Variants in DPY19L4 observed in about 807,000 individuals in gnomAD.
DPY19L4 encodes probable C-mannosyltransferase DPY19L4.
A neutral mutation model predicts 102.8 loss-of-function variants in DPY19L4; 97 were observed. The observed-to-expected ratio is 0.94, with a 90% confidence interval of 0.80 to 1.12. The LOEUF is 1.12. Ranked by LOEUF, DPY19L4 falls within the 50% of genes most tolerant of loss-of-function variation. The pLI is 0.00. For missense variants in DPY19L4, 815 were observed against 850.4 expected (o/e 0.96, Z 0.52); for synonymous variants, 252 against 283.1 (o/e 0.89, Z 1.10).
intron 2 of DPY19L4, among the ~76,000 whole-genome samples, chr8:94,733,371 C>T (rs13276436): frequency 0.44 from 66,336 of 151,664 alleles, 15,027 homozygotes; most frequent in Non-Finnish European, 0.49. Flanking sequence ...GTGATCCTCC[C>T]GCCTTGGCCT....
chr8:94,720,358 C>A, intron 1 of DPY19L4: 1 of 741,406 alleles, frequency 1.3e-6, no homozygotes, highest in Non-Finnish European at 1.6e-6. Flanking sequence ...TTTCGAAGAT[C>A]AGGTTTAGGT....
At chr8:94,753,746 C>T (rs912187025) in intron 6 of DPY19L4, among the ~76,000 whole-genome samples, 28 of 152,082 alleles carry the variant, frequency 1.8e-4, no homozygotes, top group Non-Finnish European at 1.2e-4. Context: ...GTGGCAGGCA[C>T]CTGTAGTCCC....
intron 1 of DPY19L4, among the ~76,000 whole-genome samples, chr8:94,723,365 C>T (rs986941505): frequency 3.3e-5 from 5 of 151,712 alleles, no homozygotes; most frequent in East Asian, 1.9e-4. Flanking sequence ...CCCAGCTACT[C>T]GGGAGGCTGA....
intron 6 of DPY19L4, chr8:94,744,448 A>G (rs1017097668): frequency 4.4e-6 from 2 of 456,780 alleles, no homozygotes; most frequent in African/African-American, 2.0e-5. Flanking sequence ...ACCTCATCTT[A>G]GAAATGATAT....
At chr8:94,758,591 G>T (rs955493046) in intron 7 of DPY19L4, among the ~76,000 whole-genome samples, 2 of 152,126 alleles carry the variant, frequency 1.3e-5, no homozygotes, top group South Asian at 2.1e-4. Flanking sequence ...ACCTTGAAAG[G>T]TTATATAAAT....
At chr8:94,779,719 G>C (rs1424244813) in intron 14 of DPY19L4, among the ~76,000 whole-genome samples, 3 of 152,134 alleles carry the variant, frequency 2.0e-5, no homozygotes, top group African/African-American at 4.8e-5. Context: ...AAGCCTCACT[G>C]CTTATTAAGT....
intron 12 of DPY19L4, 106 bp from the exon 13 acceptor site, chr8:94,770,346 G>A (rs1232516184): frequency 1.1e-5 from 14 of 1,227,800 alleles, no homozygotes; most frequent in South Asian, 3.4e-5. Context: ...TTGTTATGAC[G>A]AAATATAAAA....
rs114731199 is a variant in DPY19L4 at position 94,727,102 on chromosome 8, C to T, written c.127+661C>T. On this transcript the variant is annotated intron_variant, in intron 2 of 18. Coordinates refer to ENST00000414645, the MANE Select transcript of DPY19L4 (RefSeq NM_181787.3). ...CTATGACTCATTCTAATCCAGAGATCTATGAACTAAAAAGACAGGTTATCT... is the reference window on the plus strand; with the variant it reads ...CTATGACTCATTCTAATCCAGAGATTTATGAACTAAAAAGACAGGTTATCT... Among the ~76,000 whole-genome samples the T allele has an allele frequency of 7.5e-3, 1,147 of 152,274 alleles. 16 individuals carry two copies. Among genetic ancestry groups the T allele is most frequent in the African/African-American group, 0.026 (1,064 of 41,536 alleles).
intron 2 of DPY19L4, among the ~76,000 whole-genome samples, chr8:94,727,200 T>TCA (rs1160877783): frequency 2.6e-5 from 4 of 152,222 alleles, no homozygotes; most frequent in Admixed American, 1.3e-4. Context: ...AGTTTCAGAA[T>TCA]GAAGTTGTAT....
intron 6 of DPY19L4, among the ~76,000 whole-genome samples, chr8:94,748,961 G>T (rs1213895174): frequency 6.6e-6 from 1 of 152,172 alleles, no homozygotes. Context: ...AGGTTTAATG[G>T]ACTCAGTTCC....
chr8:94,766,792 C>T (rs1812692597), intron 11 of DPY19L4, 107 bp downstream of exon 11: 2 of 999,222 alleles, frequency 2.0e-6, no homozygotes, highest in African/African-American at 1.6e-5. Context: ...AATCCCAGCA[C>T]TTTAGGAGGC....
chr8:94,740,870 T>C (rs1811416291), intron 6 of DPY19L4, among the ~76,000 whole-genome samples: 1 of 152,214 alleles, frequency 6.6e-6, no homozygotes, highest in Non-Finnish European at 1.5e-5. Context: ...TGGTTGACCC[T>C]AAAATACTCT....
At position 94,726,442 on chromosome 8, in the gene DPY19L4, G is replaced by C. The variant is rs139917646; in HGVS notation, c.127+1G>C. The C allele has an allele frequency of 1.9e-6, 3 of 1,600,942 alleles. No individual in the cohort carries two copies. Among genetic ancestry groups the C allele is most frequent in the Non-Finnish European group, 2.6e-6 (3 of 1,175,646 alleles). On this transcript the variant is annotated splice_donor_variant, in intron 2 of 18. Coordinates refer to ENST00000414645, the MANE Select transcript of DPY19L4 (RefSeq NM_181787.3). LOFTEE classifies it high-confidence loss of function. Reference sequence around the variant, plus strand: ...CCAATTCCTGAAAGAGCTCCAAAACGTAAGTTAGATAGACTTGGAATTTGT... The same window carrying C: ...CCAATTCCTGAAAGAGCTCCAAAACCTAAGTTAGATAGACTTGGAATTTGT...
intron 6 of DPY19L4, among the ~76,000 whole-genome samples, chr8:94,754,132 C>T (rs1171993783): frequency 6.6e-6 from 1 of 151,950 alleles, no homozygotes; most frequent in African/African-American, 2.4e-5. Flanking sequence ...TGCAGTGAGC[C>T]GTGATCGTGT....
At chr8:94,721,650 TAAA>T (rs990086200) in intron 1 of DPY19L4, among the ~76,000 whole-genome samples, 2 of 152,198 alleles carry the variant, frequency 1.3e-5, no homozygotes, top group African/African-American at 4.8e-5. Context: ...CTTAAAGCAT[TAAA>T]AAAGTTAAGA....
rs753085758 is a variant in DPY19L4, at chr8:94,739,679, T to C, written c.500T>C (p.Ile167Thr). Residue 167 changes from isoleucine to threonine, a missense_variant, in exon 6 of 19, where the codon ATT (isoleucine) becomes ACT (threonine). Ile to Thr is a moderately conservative substitution (Grantham distance 89). Coordinates refer to ENST00000414645, the MANE Select transcript of DPY19L4 (RefSeq NM_181787.3). Reference protein sequence around the residue: ...IIEPVYFYIGIVFGLQGIYVT... With the variant: ...IIEPVYFYIGTVFGLQGIYVT... ...GAGCCAGTGTATTTCTATATTGGCA[T>C]TGTTTTTGGATTGCAAGGAATATAT... is the stretch of plus-strand genomic sequence containing the variant. The C allele has an allele frequency of 1.1e-5, 18 of 1,614,198 alleles. No individual in the cohort carries two copies. In the East Asian group the frequency reaches 3.8e-4, roughly 34 times the overall value.
intron 17 of DPY19L4, among the ~76,000 whole-genome samples, chr8:94,784,942 A>C (rs1813594489): frequency 6.6e-6 from 1 of 152,216 alleles, no homozygotes; most frequent in South Asian, 2.1e-4. Flanking sequence ...TTAAATGGTA[A>C]CTTCATATCT....
chr8:94,775,105 T>C (rs975852434), intron 13 of DPY19L4, among the ~76,000 whole-genome samples: 4 of 152,160 alleles, frequency 2.6e-5, no homozygotes, highest in African/African-American at 7.2e-5. Flanking sequence ...GTGAAAAAAC[T>C]ATGCATGTAT....
At position 94,792,072 on chromosome 8, in the gene DPY19L4, G is replaced by A. The variant is rs1023941554; in HGVS notation, c.*2162G>A. The A allele has an allele frequency of 6.6e-6, 1 of 152,086 alleles. No homozygotes were observed. The highest frequency in any genetic ancestry group is 2.4e-5 in the African/African-American group (1 of 41,420). The allele number at this position is 152,086 out of a possible 1,614,324, so 9.4% of individuals were successfully genotyped here. ...ACAATTCTACAAGTAATTCCACTTA[G>A]GTAACTTACAGTTGTTAGGTTTGAC... On this transcript the variant is annotated 3_prime_UTR_variant, in exon 19 of 19. Coordinates refer to ENST00000414645, the MANE Select transcript of DPY19L4 (RefSeq NM_181787.3).
Sources: allele counts gnomAD v4.1 joint callset (sites outside exome capture counted in the v4.1 genomes callset), GRCh38; gene constraint gnomAD v4.1.1; transcripts MANE v1.5; gene names NCBI Gene and HGNC (gene_info 2026-07-23, HGNC 2026-07-21).